The following MAP3K1 variants were observed in gnomAD, a reference collection of about 807,000 sequenced individuals.
MAP3K1 encodes the protein MAP/ERK kinase kinase 1.
A neutral mutation model predicts 144.2 loss-of-function variants in MAP3K1; 36 were observed. That is an observed-to-expected ratio of 0.25 (90% CI 0.19 to 0.33). The LOEUF (loss-of-function observed/expected upper bound fraction) is 0.33, where lower values mean the gene tolerates loss of function less well. MAP3K1 is among the 10% of genes least tolerant of loss of function. The pLI, the probability that MAP3K1 is intolerant of heterozygous loss-of-function variation, is 1.00. For synonymous variants in MAP3K1, 718 were observed against 688.7 expected (o/e 1.04, Z -0.67); for missense variants, 1,650 against 1,881.9 (o/e 0.88, Z 2.28).
intron 15 of MAP3K1, 35 bp downstream of exon 15, chr5:56,883,714 C>T: frequency 1.2e-6 from 2 of 1,604,484 alleles, no homozygotes; most frequent in Non-Finnish European, 1.7e-6. Context: ...TGAAATGACT[C>T]AAATCACAAA....
At chr5:56,868,014 T>A (rs999033909) in intron 6 of MAP3K1, among the ~76,000 whole-genome samples, 1 of 152,182 alleles carries the variant, frequency 6.6e-6, no homozygotes, top group Non-Finnish European at 1.5e-5. Flanking sequence ...AACCCAGTTT[T>A]ATATAGAAAA....
At chr5:56,863,398 A>G (rs774609029) in intron 3 of MAP3K1, among the ~76,000 whole-genome samples, 2 of 152,226 alleles carry the variant, frequency 1.3e-5, no homozygotes, top group Non-Finnish European at 2.9e-5. Context: ...AAATGGGATC[A>G]CTTAATAGGT....
chr5:56,823,904 T>C (rs1746230438), intron 1 of MAP3K1, among the ~76,000 whole-genome samples: 1 of 152,220 alleles, frequency 6.6e-6, no homozygotes, highest in Non-Finnish European at 1.5e-5. Context: ...TATATATGCA[T>C]TTATATATTC....
chr5:56,854,432 C>CAAAAAAAAAAAAAAAA (rs10647091), intron 1 of MAP3K1, among the ~76,000 whole-genome samples: 2 of 85,286 alleles, frequency 2.3e-5, no homozygotes, highest in African/African-American at 1.0e-4. Flanking sequence ...AACTCCATCT[C>CAAAAAAAAAAAAAAAA]AAAAAAAAAA....
intron 16 of MAP3K1, 56 bp downstream of exon 16, chr5:56,884,882 T>G: frequency 6.6e-7 from 1 of 1,526,678 alleles, no homozygotes; most frequent in Non-Finnish European, 9.0e-7. Context: ...CTTTCTGCAA[T>G]TTAGGAAAAA....
chr5:56,826,541 C>A (rs570533188), intron 1 of MAP3K1, among the ~76,000 whole-genome samples: 6 of 152,176 alleles, frequency 3.9e-5, no homozygotes, highest in African/African-American at 1.4e-4. Flanking sequence ...GAGAATAATC[C>A]GAGACCTTCA....
intron 1 of MAP3K1, chr5:56,842,140 C>T (rs941681616): frequency 1.3e-4 from 20 of 152,236 alleles, no homozygotes; most frequent in Non-Finnish European, 2.6e-4. Context: ...TTCTTCTCTC[C>T]CTCAATACCA....
chr5:56,816,611 C>G (rs538325219), intron 1 of MAP3K1, among the ~76,000 whole-genome samples: 2 of 152,096 alleles, frequency 1.3e-5, no homozygotes, highest in Non-Finnish European at 2.9e-5. Context: ...GCCCGGGACT[C>G]GAGTCCCTAG....
intron 1 of MAP3K1, among the ~76,000 whole-genome samples, chr5:56,854,232 G>A (rs1052035895): frequency 4.6e-5 from 7 of 151,788 alleles, no homozygotes; most frequent in Admixed American, 2.6e-4. Context: ...TCAGGAGTTC[G>A]AGACCAGCCT....
Position 56,815,885 on chromosome 5 carries a change from C to T in MAP3K1, c.312C>T (p.Gly104=). Residue 104 remains glycine, a synonymous_variant, in exon 1 of 20, where the codon GGC becomes GGT. Coordinates refer to ENST00000399503, the MANE Select transcript of MAP3K1 (RefSeq NM_005921.2). ...EPADAAGSGT[G]FQPVAVPPPH... ...CGGACGCAGCGGGGAGTGGGACCGG[C>T]TTCCAGCCTGTGGCGGTGCCGCCGC... The T allele has an allele frequency of 1.5e-6, 2 of 1,354,886 alleles. No individual in the cohort carries two copies. Among genetic ancestry groups the T allele is most frequent in the Non-Finnish European group, 1.9e-6 (2 of 1,050,704 alleles). The allele number at this position is 1,354,886 out of a possible 1,614,324, so 83.9% of individuals were successfully genotyped here.
At position 56,864,434 on chromosome 5, in the gene MAP3K1, G is replaced by A. The variant is rs1439988847; in HGVS notation, c.835-300G>A. Among the ~76,000 whole-genome samples the A allele has an allele frequency of 5.4e-5, 8 of 148,044 alleles. No homozygotes were observed. The East Asian group carries it at 1.6e-3, about 29-fold the overall frequency. On this transcript the variant is annotated intron_variant, in intron 3 of 19. Transcript: ENST00000399503. ...GCTCTGTTGCCCAGGCTGGAGTGCAGTGGCACAATCTCGGCTTACTGCAAC... is the reference window on the plus strand; with the variant it reads ...GCTCTGTTGCCCAGGCTGGAGTGCAATGGCACAATCTCGGCTTACTGCAAC...
At chr5:56,827,083 G>C (rs1490649469) in intron 1 of MAP3K1, among the ~76,000 whole-genome samples, 2 of 152,182 alleles carry the variant, frequency 1.3e-5, no homozygotes, top group African/African-American at 4.8e-5. Flanking sequence ...CCTAGGGGTG[G>C]GTGGAGAACA....
intron 19 of MAP3K1, among the ~76,000 whole-genome samples, chr5:56,890,864 C>A (rs539333445): frequency 3.9e-4 from 59 of 150,706 alleles, no homozygotes; most frequent in African/African-American, 1.4e-3. Flanking sequence ...CTGGGCATAG[C>A]GAGACCCCAT....
At chr5:56,819,015 A>T (rs904627008) in intron 1 of MAP3K1, among the ~76,000 whole-genome samples, 1 of 151,890 alleles carries the variant, frequency 6.6e-6, no homozygotes, top group Admixed American at 6.6e-5. Flanking sequence ...CTTTATAAAA[A>T]TAAAGGTAGT....
At chr5:56,873,950 C>T (rs1747938280) in intron 9 of MAP3K1, among the ~76,000 whole-genome samples, 1 of 152,068 alleles carries the variant, frequency 6.6e-6, no homozygotes, top group Non-Finnish European at 1.5e-5. Flanking sequence ...TTTCATGACC[C>T]ATCAAAGAAC....
chr5:56,871,525 C>G (rs542907285), intron 6 of MAP3K1, among the ~76,000 whole-genome samples: 2 of 152,170 alleles, frequency 1.3e-5, no homozygotes, highest in Non-Finnish European at 2.9e-5. Flanking sequence ...TCTTTGAGCT[C>G]TAAGGTCCGC....
At chr5:56,827,851 G>A (rs1008515606) in intron 1 of MAP3K1, among the ~76,000 whole-genome samples, 3 of 149,166 alleles carry the variant, frequency 2.0e-5, no homozygotes, top group African/African-American at 7.5e-5. Flanking sequence ...GTGACATGAC[G>A]AAAACTCCAT....
At chr5:56,888,499 A>G (rs1289682774) in intron 19 of MAP3K1, 142 bp downstream of exon 19, 1 of 786,972 alleles carries the variant, frequency 1.3e-6, no homozygotes, top group African/African-American at 1.7e-5. Flanking sequence ...AGAGGATTTG[A>G]TATACAAGTT....
chr5:56,852,518 CAT>C (rs1747205403), intron 1 of MAP3K1, among the ~76,000 whole-genome samples: 1 of 152,162 alleles, frequency 6.6e-6, no homozygotes, highest in South Asian at 2.1e-4. Flanking sequence ...CAAGAAACCT[CAT>C]GTTTCCTAAA....
Sources: gnomAD v4.1 joint callset for allele counts (sites outside exome capture counted in the v4.1 genomes callset) on GRCh38, gnomAD v4.1.1 for gene constraint, MANE v1.5 for transcripts, NCBI Gene and HGNC (gene_info 2026-07-23, HGNC 2026-07-21) for gene names.